Variants in MAP4 observed in about 807,000 individuals in gnomAD.
MAP4 encodes microtubule-associated protein 4.
In MAP4, 76 loss-of-function variants were observed where a neutral mutation model predicts 170.2. That is an observed-to-expected ratio of 0.45 (90% CI 0.37 to 0.54). MAP4 has a LOEUF of 0.54. Among genes scored for constraint, MAP4 ranks in the 20% least tolerant of loss-of-function variants. The pLI is 0.00. For missense variants in MAP4, 2,506 were observed against 2,748.0 expected (o/e 0.91, Z 1.97); for synonymous variants, 909 against 994.5 (o/e 0.91, Z 1.62).
chr3:47,913,616 T>C (rs2100037067), intron 8 of MAP4, among the ~76,000 whole-genome samples: 2 of 152,228 alleles, frequency 1.3e-5, no homozygotes, highest in African/African-American at 4.8e-5. Flanking sequence ...TAAATATCTA[T>C]ATGCCTTAAC....
In MAP4 at chr3:47,998,606, A is replaced by T. The variant is rs995021983; in HGVS notation, c.223+32T>A. The T allele has an allele frequency of 2.0e-6, 3 of 1,529,134 alleles. No individual in the cohort carries two copies. In the African/African-American group the frequency reaches 4.1e-5, roughly 21 times the overall value. The allele number at this position is 1,529,134 out of a possible 1,614,324, so 94.7% of individuals were successfully genotyped here. A position where few individuals can be genotyped will look rare whatever the true frequency, so the allele number is the denominator to read the frequency against. On this transcript the variant is annotated intron_variant, in intron 2 of 20. Coordinates refer to ENST00000683076, the MANE Select transcript of MAP4 (RefSeq NM_001385682.1). ...GCATAATCCCTAACCTGCTTTCTGA[A>T]CATATATAAGCAGTCTGGTTTAAAT...
intron 2 of MAP4, among the ~76,000 whole-genome samples, chr3:47,979,965 C>T (rs2100084533): frequency 6.6e-6 from 1 of 152,104 alleles, no homozygotes; most frequent in Non-Finnish European, 1.5e-5. Context: ...GCTGGGACCA[C>T]AGGTGCATGC....
intron 3 of MAP4, among the ~76,000 whole-genome samples, chr3:47,931,206 C>T: frequency 6.6e-6 from 1 of 151,840 alleles, no homozygotes; most frequent in Admixed American, 6.6e-5. Flanking sequence ...GAGACCCTGT[C>T]TCTACAAAAA....
intron 3 of MAP4, among the ~76,000 whole-genome samples, chr3:47,932,769 C>A (rs2100050608): frequency 6.6e-6 from 1 of 152,140 alleles, no homozygotes; most frequent in Non-Finnish European, 1.5e-5. Flanking sequence ...CCAGACTATT[C>A]GGGTGCAGCG....
chr3:47,893,935 C>T (rs919750764), intron 10 of MAP4, among the ~76,000 whole-genome samples: 4 of 152,082 alleles, frequency 2.6e-5, no homozygotes, highest in African/African-American at 9.7e-5. Flanking sequence ...CCTCTGTCCC[C>T]AAGAACTCAC....
At chr3:47,987,137 C>T (rs529945445) in intron 2 of MAP4, among the ~76,000 whole-genome samples, 1 of 152,324 alleles carries the variant, frequency 6.6e-6, no homozygotes, top group Admixed American at 6.5e-5. Context: ...ATGATTCTCT[C>T]CGGTCACTTG....
intron 1 of MAP4, among the ~76,000 whole-genome samples, chr3:48,042,655 C>T (rs1471739302): frequency 6.6e-6 from 1 of 152,134 alleles, no homozygotes; most frequent in Non-Finnish European, 1.5e-5. Flanking sequence ...TCATATACTG[C>T]TAATGAGAAC....
At chr3:47,862,639 A>G (rs988579751) in intron 17 of MAP4, among the ~76,000 whole-genome samples, 8 of 151,884 alleles carry the variant, frequency 5.3e-5, no homozygotes, top group African/African-American at 1.7e-4. Context: ...CACCACGCCC[A>G]GCTGATTTTT....
chr3:48,027,426 C>G (rs1233090098), intron 1 of MAP4, among the ~76,000 whole-genome samples: 1 of 152,198 alleles, frequency 6.6e-6, no homozygotes, highest in Non-Finnish European at 1.5e-5. Context: ...AAGAGAAGCA[C>G]CAGTTCAGAG....
At position 47,909,881 on chromosome 3, in the gene MAP4, T is replaced by C. The variant is rs750412914; in HGVS notation, c.4540A>G (p.Thr1514Ala). Residue 1514 changes from threonine (T) to alanine (A), a missense_variant, in exon 9 of 21, where the codon ACA (threonine) becomes GCA (alanine). Coordinates refer to ENST00000683076, the MANE Select transcript of MAP4 (RefSeq NM_001385682.1). ...STGGVALPIT[T>A]AIETVNIHGD... The stretch of plus-strand genomic sequence containing the variant: ...TGAATGTTAACTGTTTCTATGGCTG[T>C]TGTAATAGGTAGAGCAACTCCTCCT... The C allele has an allele frequency of 7.4e-6, 12 of 1,613,494 alleles. No homozygotes were observed. The Admixed American group carries it at 2.0e-4, about 27-fold the overall frequency.
At chr3:47,878,347 C>T (rs1484619822) in intron 10 of MAP4, among the ~76,000 whole-genome samples, 1 of 152,118 alleles carries the variant, frequency 6.6e-6, no homozygotes, top group African/African-American at 2.4e-5. Flanking sequence ...AAATACTTGA[C>T]CCTCATACCA....
rs1473128112 is a variant in MAP4, at chr3:47,916,903, T to C, written c.924A>G (p.Leu308=). The C allele has an allele frequency of 6.2e-7, 1 of 1,614,106 alleles. No individual in the cohort carries two copies. Among genetic ancestry groups the C allele is most frequent in the Non-Finnish European group, 8.5e-7 (1 of 1,180,052 alleles). Residue 308 remains leucine (L), a synonymous_variant, in exon 7 of 21, where the codon CTA becomes CTG. Transcript: ENST00000683076. The stretch of plus-strand genomic sequence containing the variant: ...CCAGGGCCACTTCTTTTTCTGTGGG[T>C]AGTTCCATGTCCTTGACTAGGGCCA... ...SDMALVKDME[L]PTEKEVALVK...
chr3:48,055,486 G>A (rs1416898054), intron 1 of MAP4, among the ~76,000 whole-genome samples: 6 of 149,426 alleles, frequency 4.0e-5, no homozygotes, highest in African/African-American at 4.9e-5. Flanking sequence ...GATTGCAGAC[G>A]GAGTCTCGTT....
intron 3 of MAP4, among the ~76,000 whole-genome samples, chr3:47,933,072 T>G (rs949610208): frequency 1.3e-5 from 2 of 152,116 alleles, no homozygotes; most frequent in African/African-American, 4.8e-5. Flanking sequence ...CTGGCTAATT[T>G]TTTTTTAATT....
intron 1 of MAP4, among the ~76,000 whole-genome samples, chr3:48,079,250 T>C (rs2100145368): frequency 6.6e-6 from 1 of 152,098 alleles, no homozygotes; most frequent in Non-Finnish European, 1.5e-5. Context: ...AGAGAGCATT[T>C]TGGAATATCT....
At chr3:47,967,108 G>A (rs1294184267) in intron 3 of MAP4, among the ~76,000 whole-genome samples, 2 of 152,142 alleles carry the variant, frequency 1.3e-5, no homozygotes, top group African/African-American at 4.8e-5. Context: ...AGGCCGAGGC[G>A]GGCAGATGAC....
chr3:47,943,170 G>T (rs1256502857), intron 3 of MAP4, among the ~76,000 whole-genome samples: 2 of 152,096 alleles, frequency 1.3e-5, no homozygotes, highest in Admixed American at 6.6e-5. Context: ...TAAAAAAAGT[G>T]ACAGGAGAAA....
At chr3:48,059,848 T>C (rs2100134284) in intron 1 of MAP4, among the ~76,000 whole-genome samples, 1 of 151,804 alleles carries the variant, frequency 6.6e-6, no homozygotes, top group Admixed American at 6.6e-5. Context: ...GGCTTGGTGG[T>C]ACACACCTGT....
intron 3 of MAP4, among the ~76,000 whole-genome samples, chr3:47,962,508 T>C (rs2154178289): frequency 6.6e-6 from 1 of 152,328 alleles, no homozygotes; most frequent in South Asian, 2.1e-4. Context: ...GCCCCAGCCC[T>C]AAGGGTAGTG....
Sources: gnomAD v4.1 joint callset for allele counts (sites outside exome capture counted in the v4.1 genomes callset) on GRCh38, gnomAD v4.1.1 for gene constraint, MANE v1.5 for transcripts, NCBI Gene and HGNC (gene_info 2026-07-23, HGNC 2026-07-21) for gene names.